Variants in CNTRL observed in about 807,000 individuals in gnomAD.
CNTRL encodes 110 kDa centrosomal protein.
CNTRL carries 233 observed loss-of-function variants against 303.7 expected under a neutral mutation model. That is an observed-to-expected ratio of 0.77 (90% confidence interval 0.69 to 0.86). CNTRL has a LOEUF of 0.86. Among genes scored for constraint, CNTRL ranks in the 40% least tolerant of loss-of-function variants. The pLI, the probability that CNTRL is intolerant of heterozygous loss-of-function variation, is 0.00. For synonymous variants in CNTRL, 900 were observed against 922.2 expected, an observed-to-expected ratio of 0.98 and a Z score of 0.44; for missense variants, 2,524 against 2,650.6, an observed-to-expected ratio of 0.95 and a Z score of 1.05.
intron 8 of CNTRL, among the ~76,000 whole-genome samples, chr9:121,112,189 T>G (rs530437724): frequency 6.6e-6 from 1 of 152,288 alleles, no homozygotes; most frequent in Non-Finnish European, 1.5e-5. Context: ...TTTAACAAAT[T>G]TAAGTGATTT....
rs748050456 is a variant in CNTRL, at chr9:121,168,115, AAGAG to A, written c.5870_5873del (p.Arg1957LysfsTer7). 1.4e-5 allele frequency: 22 copies of A among 1,612,640 alleles called. No individual in the cohort carries two copies. In the African/African-American group the frequency reaches 1.6e-4, roughly 12 times the overall value. On this transcript the variant is annotated frameshift_variant, in exon 38 of 44. Transcript: ENST00000373855. LOFTEE classifies it high-confidence loss of function. ...ATTAAGATGTTTCAGAGACTCCAGA[AAGAG>A]AGAGAAAGTGAAGAAAGCAAATTAG...
intron 14 of CNTRL, among the ~76,000 whole-genome samples, chr9:121,129,911 G>A (rs1025014974): frequency 6.6e-6 from 1 of 152,184 alleles, no homozygotes; most frequent in South Asian, 2.1e-4. Flanking sequence ...TTTGTCATTA[G>A]TTCTGTTTAT....
chr9:121,088,186 G>C, intron 2 of CNTRL, 110 bp from the exon 3 acceptor site: 2 of 624,276 alleles, frequency 3.2e-6, no homozygotes, highest in Middle Eastern at 4.3e-4. Context: ...ATGGGTCCTA[G>C]CATTTATGGC....
At chr9:121,137,609 T>A (rs1233761451) in intron 15 of CNTRL, among the ~76,000 whole-genome samples, 1 of 152,254 alleles carries the variant, frequency 6.6e-6, no homozygotes, top group Non-Finnish European at 1.5e-5. Flanking sequence ...GATCATCACT[T>A]GACAGTTGTC....
chr9:121,168,048 G>C (rs1274848194), intron 37 of CNTRL, 48 bp from the exon 38 acceptor site: 1 of 1,509,738 alleles, frequency 6.6e-7, no homozygotes, highest in African/African-American at 1.4e-5. Context: ...AGGTTCTCTG[G>C]GACACTATTT....
Position 121,119,297 on chromosome 9 carries a change from T to TTC in CNTRL, c.1650+773_1650+774dup, listed in dbSNP as rs541809135. On this transcript the variant is annotated intron_variant, in intron 12 of 43. Transcript: ENST00000373855. ...CTCCTTGCCTTTTTTTCATCTTTCT[T>TTC]TCTCTCTCTCTCTCTCTTTTTTTTT... Among the ~76,000 whole-genome samples the TTC allele has an allele frequency of 2.9e-4, 44 of 150,870 alleles. No homozygotes were observed. The East Asian group carries it at 5.4e-3, about 19-fold the overall frequency.
Position 121,169,706 on chromosome 9 carries a change from A to C in CNTRL, c.6166A>C (p.Ser2056Arg). ...KEADSMRADF[S>R]LLRNQFLTER... ...GGCAGATTCTATGAGGGCAGACTTC[A>C]GCCTTCTGCGGAACCAGTTCTTGAC... The change falls in exon 39 of 44, where the codon AGC (serine) becomes CGC (arginine). Residue 2056 changes from serine (S) to arginine (R), a missense_variant. Ser to Arg is a moderately radical substitution (Grantham distance 110). Transcript: ENST00000373855. The C allele has an allele frequency of 1.2e-6, 2 of 1,614,220 alleles. No homozygotes were observed. Among genetic ancestry groups the C allele is most frequent in the Non-Finnish European group, 1.7e-6 (2 of 1,180,020 alleles).
At chr9:121,113,880 C>T (rs1038897093) in intron 10 of CNTRL, among the ~76,000 whole-genome samples, 156 bp downstream of exon 10, 7 of 151,998 alleles carry the variant, frequency 4.6e-5, no homozygotes, top group African/African-American at 1.2e-4. Flanking sequence ...GCAGATTTAT[C>T]GAGCATTTAT....
Position 121,168,291 on chromosome 9 carries a change from G to A in CNTRL, c.6040G>A (p.Glu2014Lys), listed in dbSNP as rs1159346743. The change falls in exon 38 of 44, where the codon GAG becomes AAG. Residue 2014 changes from glutamate (E) to lysine (K), a missense_variant. Transcript: ENST00000373855. ...TCTGCAGGAAGAGGAGAGGTGGTGT[G>A]AGAGCCTGGAGAAGACACTCTCCCA... ...RTLQEEERWC[E>K]SLEKTLSQTK... is the part of the protein sequence containing the mutation. 9 of 1,614,136 alleles carry A rather than the reference G, an allele frequency of 5.6e-6. No individual in the cohort carries two copies. Among genetic ancestry groups the A allele is most frequent in the Non-Finnish European group, 7.6e-6 (9 of 1,180,004 alleles).
rs753046483 is a variant in CNTRL at position 121,098,391 on chromosome 9, A to G, written c.627A>G (p.Gln209=). The G allele has an allele frequency of 6.3e-7, 1 of 1,599,254 alleles. No individual in the cohort carries two copies. The highest frequency in any genetic ancestry group is 1.1e-5 in the South Asian group (1 of 89,918). The change falls in exon 7 of 44, where the codon CAA becomes CAG. Residue 209 remains glutamine, a synonymous_variant. Transcript: ENST00000373855. ...NLKGNKISSL[Q]DISKLKPLQD... ...CTAATGTTATATCATTTCAGCTCCA[A>G]GATATAAGCAAGTTGAAACCGCTTC...
At chr9:121,159,094 T>A (rs1310139449) in intron 31 of CNTRL, 75 bp downstream of exon 31, 1 of 1,368,536 alleles carries the variant, frequency 7.3e-7, no homozygotes, top group South Asian at 1.4e-5. Flanking sequence ...TTTTCATTGC[T>A]TCTCCCCAAA....
rs186547773 is a variant in CNTRL, at chr9:121,092,505, A to T, written c.348+2100A>T. Among the ~76,000 whole-genome samples, 31 of 29,552 alleles carry T rather than the reference A, an allele frequency of 1.0e-3. 1 individual carries two copies. The highest frequency in any genetic ancestry group is 1.6e-3 in the Non-Finnish European group (22 of 13,752). The allele number at this position is 29,552 out of a possible 152,430, so 19.4% of individuals were successfully genotyped here. A position where few individuals can be genotyped will look rare whatever the true frequency, so the allele number is the denominator to read the frequency against. ...ATATATAATATATATCTATATATAT[A>T]ATATATATCTATATATATAATATAT... On this transcript the variant is annotated intron_variant, in intron 4 of 43. Transcript: ENST00000373855.
intron 34 of CNTRL, among the ~76,000 whole-genome samples, chr9:121,163,946 G>A (rs1258843844): frequency 6.7e-6 from 1 of 149,682 alleles, no homozygotes; most frequent in Non-Finnish European, 1.5e-5. Flanking sequence ...CTCACTGCAA[G>A]CTCCACCTTC....
chr9:121,139,059 C>G (rs560763457), intron 16 of CNTRL, among the ~76,000 whole-genome samples: 10 of 152,178 alleles, frequency 6.6e-5, no homozygotes, highest in African/African-American at 2.2e-4. Context: ...TGTAATTATC[C>G]AGGAATTTAA....
chr9:121,088,582 C>A, intron 3 of CNTRL, 39 bp downstream of exon 3: 1 of 1,353,676 alleles, frequency 7.4e-7, no homozygotes, highest in Middle Eastern at 1.8e-4. Context: ...TGACCACATA[C>A]TTCAAGTAGA....
chr9:121,124,758 C>G (rs573671296), intron 13 of CNTRL, among the ~76,000 whole-genome samples: 1 of 135,030 alleles, frequency 7.4e-6, no homozygotes, highest in African/African-American at 2.7e-5. Context: ...GGCAACATGG[C>G]GAAACCCCGT....
chr9:121,145,516 A>G, intron 22 of CNTRL, 131 bp downstream of exon 22: 1 of 874,556 alleles, frequency 1.1e-6, no homozygotes. Flanking sequence ...TAATTAGCTT[A>G]ATAAGTAAAA....
intron 4 of CNTRL, 112 bp downstream of exon 4, chr9:121,090,517 G>T: frequency 2.1e-6 from 2 of 957,774 alleles, no homozygotes; most frequent in Non-Finnish European, 1.5e-6. Flanking sequence ...ACCTTTTATT[G>T]TTTCCAGTGA....
Position 121,145,271 on chromosome 9 carries a change from G to A in CNTRL, c.3196G>A (p.Val1066Ile), listed in dbSNP as rs991098035. 29 of 1,612,912 alleles carry A rather than the reference G, an allele frequency of 1.8e-5. No homozygotes were observed. Among genetic ancestry groups the A allele is most frequent in the Non-Finnish European group, 2.5e-5 (29 of 1,179,692 alleles). The change falls in exon 22 of 44, where the codon GTA (valine) becomes ATA (isoleucine). Residue 1066 changes from valine (V) to isoleucine (I), a missense_variant. Coordinates refer to ENST00000373855, the MANE Select transcript of CNTRL (RefSeq NM_007018.6). ...QFRLEMEKTG[V>I]GTGANSQVLE... is the part of the protein sequence containing the mutation. ...TCGACTTGAGATGGAGAAAACAGGT[G>A]TAGGTACTGGAGCAAACTCACAGGT...
Sources: allele counts gnomAD v4.1 joint callset (sites outside exome capture counted in the v4.1 genomes callset), GRCh38; gene constraint gnomAD v4.1.1; transcripts MANE v1.5; gene names NCBI Gene and HGNC (gene_info 2026-07-23, HGNC 2026-07-21).